GRIA1: variants seen among roughly 807,000 people sequenced by gnomAD.
The protein encoded by GRIA1 is glutamate receptor 1.
In GRIA1, 31 loss-of-function variants were observed where a neutral mutation model predicts 99.2. The ratio of observed to expected loss-of-function variants is 0.31; its 90% CI spans 0.23 to 0.42. The LOEUF is 0.42. Among genes scored for constraint, GRIA1 ranks in the 10% least tolerant of loss-of-function variants. The pLI, the probability that GRIA1 is intolerant of heterozygous loss-of-function variation, is 1.00. For synonymous variants in GRIA1, 438 were observed against 432.4 expected (o/e 1.01, Z -0.16); for missense variants, 782 against 1,157.5 (o/e 0.68, Z 4.71).
chr5:153,653,802 T>C (rs2149462296), intron 4 of GRIA1, among the ~76,000 whole-genome samples: 1 of 152,350 alleles, frequency 6.6e-6, no homozygotes, highest in South Asian at 2.1e-4. Context: ...ATATAATTTA[T>C]GTTAAATAAA....
intron 2 of GRIA1, among the ~76,000 whole-genome samples, chr5:153,556,713 A>C (rs1671578676): frequency 6.6e-6 from 1 of 152,224 alleles, no homozygotes; most frequent in Admixed American, 6.5e-5. Flanking sequence ...ACTCTAGAGC[A>C]AGGATCTCTC....
chr5:153,535,687 A>G (rs1328144302), intron 2 of GRIA1, among the ~76,000 whole-genome samples: 1 of 152,246 alleles, frequency 6.6e-6, no homozygotes, highest in Non-Finnish European at 1.5e-5. Flanking sequence ...GCAGCTGGTC[A>G]TTAGATGTAC....
At chr5:153,598,367 A>AT (rs1456267999) in intron 2 of GRIA1, among the ~76,000 whole-genome samples, 1 of 152,092 alleles carries the variant, frequency 6.6e-6, no homozygotes, top group African/African-American at 2.4e-5. Context: ...TTTAGTACCT[A>AT]TTAGAGGAAA....
intron 14 of GRIA1, among the ~76,000 whole-genome samples, chr5:153,799,484 TAA>T (rs1284509831): frequency 6.6e-6 from 1 of 152,180 alleles, no homozygotes; most frequent in Non-Finnish European, 1.5e-5. Context: ...ACATTTTGTG[TAA>T]ATTGAAACTC....
chr5:153,650,418 G>T lies in GRIA1; in HGVS notation c.549G>T (p.Glu183Asp). 1.2e-6 allele frequency: 2 copies of T among 1,614,048 alleles called. No individual in the cohort carries two copies. The highest frequency in any genetic ancestry group is 1.7e-6 in the Non-Finnish European group (2 of 1,179,952). Residue 183 changes from glutamate to aspartate, a missense_variant, in exon 4 of 16, where the codon GAG (glutamate) becomes GAT (aspartate). Glu to Asp is a conservative substitution (Grantham distance 45). Coordinates refer to ENST00000285900, the MANE Select transcript of GRIA1 (RefSeq NM_000827.4). Reference sequence around the variant, plus strand: ...TCAACATTTTGACAACCACAGAGGAGGGATACCGGATGCTCTTTCAGGACC... The same window carrying T: ...TCAACATTTTGACAACCACAGAGGATGGATACCGGATGCTCTTTCAGGACC... ...TAVNILTTTE[E>D]GYRMLFQDLE...
In GRIA1 at chr5:153,729,319, G is replaced by A. The variant is rs898654885; in HGVS notation, c.1823+23252G>A. 6.4e-4 allele frequency among the ~76,000 whole-genome samples: 97 copies of A among 151,810 alleles called. 2 individuals carry two copies. Among genetic ancestry groups the A allele is most frequent in the Non-Finnish European group, 1.1e-3 (75 of 67,940 alleles). ...TTAATGGGTGCAGCACACCAGCATG[G>A]CACATGTATACATATGTAACTAACC... is the stretch of plus-strand genomic sequence containing the variant. On this transcript the variant is annotated intron_variant, in intron 11 of 15. Coordinates refer to ENST00000285900, the MANE Select transcript of GRIA1 (RefSeq NM_000827.4).
chr5:153,598,341 T>C (rs551166571), intron 2 of GRIA1, among the ~76,000 whole-genome samples: 10 of 152,078 alleles, frequency 6.6e-5, no homozygotes, highest in Non-Finnish European at 1.2e-4. Context: ...TGGGTTCAGT[T>C]AAATTATGGG....
At chr5:153,750,588 C>T (rs1441919221) in intron 11 of GRIA1, among the ~76,000 whole-genome samples, 3 of 152,070 alleles carry the variant, frequency 2.0e-5, no homozygotes, top group Non-Finnish European at 4.4e-5. Context: ...CTACACAGGC[C>T]CCAAGTGTCT....
chr5:153,646,506 T>C (rs1754158088), intron 2 of GRIA1, among the ~76,000 whole-genome samples: 1 of 152,196 alleles, frequency 6.6e-6, no homozygotes, highest in South Asian at 2.1e-4. Flanking sequence ...GAGCCTTGGT[T>C]TCTCCCCTTT....
At chr5:153,783,199 C>A (rs1764750132) in intron 13 of GRIA1, among the ~76,000 whole-genome samples, 1 of 152,314 alleles carries the variant, frequency 6.6e-6, no homozygotes, top group South Asian at 2.1e-4. Flanking sequence ...AGAATTGGCC[C>A]AGCTTTTCTT....
intron 11 of GRIA1, among the ~76,000 whole-genome samples, chr5:153,753,355 G>T (rs1354266669): frequency 6.6e-6 from 1 of 152,178 alleles, no homozygotes; most frequent in Non-Finnish European, 1.5e-5. Context: ...AGGTTCCGCT[G>T]GGCTTTGAAG....
At chr5:153,742,820 C>A (rs1488356581) in intron 11 of GRIA1, among the ~76,000 whole-genome samples, 1 of 152,200 alleles carries the variant, frequency 6.6e-6, no homozygotes, top group Non-Finnish European at 1.5e-5. Context: ...ATCTTAAGGT[C>A]CAACATGATT....
intron 11 of GRIA1, among the ~76,000 whole-genome samples, chr5:153,760,227 T>A (rs1261620452): frequency 6.6e-6 from 1 of 152,000 alleles, no homozygotes; most frequent in African/African-American, 2.4e-5. Flanking sequence ...ATAAAGAACA[T>A]TCAAATTGAA....
intron 5 of GRIA1, among the ~76,000 whole-genome samples, chr5:153,660,726 G>A (rs1755307487): frequency 1.3e-5 from 2 of 152,158 alleles, no homozygotes; most frequent in African/African-American, 2.4e-5. Context: ...ACTTGTTAGT[G>A]CCGCATTTTC....
At chr5:153,561,936 A>G (rs1272925880) in intron 2 of GRIA1, among the ~76,000 whole-genome samples, 9 of 152,254 alleles carry the variant, frequency 5.9e-5, no homozygotes. Flanking sequence ...AGGGGATTCC[A>G]ATAGAAGAAA....
At position 153,500,405 on chromosome 5, in the gene GRIA1, G is replaced by A. The variant is rs201588296; in HGVS notation, c.220+6340G>A. ...GAATTTTTTCCCACTGAATCTACAC[G>A]TGGCCTCAAATTGGTGACAGCTGAT... On this transcript the variant is annotated intron_variant, in intron 2 of 15. Transcript: ENST00000285900. Among the ~76,000 whole-genome samples the A allele has an allele frequency of 3.9e-5, 6 of 152,178 alleles. No homozygotes were observed. In the East Asian group the frequency reaches 9.7e-4, roughly 24 times the overall value.
intron 7 of GRIA1, among the ~76,000 whole-genome samples, chr5:153,678,122 G>A (rs560981522): frequency 1.3e-5 from 2 of 152,320 alleles, no homozygotes; most frequent in African/African-American, 4.8e-5. Flanking sequence ...AAATGGAGTT[G>A]CCTGCCTAAG....
intron 2 of GRIA1, among the ~76,000 whole-genome samples, chr5:153,550,943 G>C (rs1423607043): frequency 6.6e-6 from 1 of 152,144 alleles, no homozygotes; most frequent in African/African-American, 2.4e-5. Flanking sequence ...CAATGTGCAG[G>C]TTAGTTACAT....
At chr5:153,503,960 A>T (rs1755247107) in intron 2 of GRIA1, among the ~76,000 whole-genome samples, 1 of 152,216 alleles carries the variant, frequency 6.6e-6, no homozygotes, top group Non-Finnish European at 1.5e-5. Flanking sequence ...GATATGTCAT[A>T]TATCAGATCC....
Sources: gnomAD v4.1 joint callset for allele counts (sites outside exome capture counted in the v4.1 genomes callset) on GRCh38, gnomAD v4.1.1 for gene constraint, MANE v1.5 for transcripts, NCBI Gene and HGNC (gene_info 2026-07-23, HGNC 2026-07-21) for gene names.